GABBR2: variants seen among roughly 807,000 people sequenced by gnomAD.
GABBR2 encodes G-protein coupled receptor 51.
A neutral mutation model predicts 105.6 loss-of-function variants in GABBR2; 23 were observed. The ratio of observed to expected loss-of-function variants is 0.22; its 90% CI spans 0.16 to 0.31. GABBR2 has a LOEUF of 0.31. GABBR2 is among the 10% of genes least tolerant of loss of function. The probability of loss-of-function intolerance (pLI) is 1.00; values close to 1 mark genes in which losing one functional copy is unlikely to be tolerated. For missense variants in GABBR2, 734 were observed against 1,245.5 expected, an observed-to-expected ratio of 0.59 and a Z score of 6.18; for synonymous variants, 478 against 499.7, an observed-to-expected ratio of 0.96 and a Z score of 0.58.
chr9:98,695,805 C>T (rs7866921), intron 1 of GABBR2, among the ~76,000 whole-genome samples: 209 of 152,262 alleles, frequency 1.4e-3, no homozygotes, highest in African/African-American at 4.8e-3. Flanking sequence ...CACAGGTTGA[C>T]CGATGCCCAG....
intron 3 of GABBR2, among the ~76,000 whole-genome samples, chr9:98,496,739 G>A (rs1008626390): frequency 1.3e-5 from 2 of 152,174 alleles, no homozygotes; most frequent in African/African-American, 2.4e-5. Context: ...GGCCAGACAG[G>A]GAAGGGACTT....
At chr9:98,626,549 T>C (rs1829740241) in intron 1 of GABBR2, among the ~76,000 whole-genome samples, 1 of 152,184 alleles carries the variant, frequency 6.6e-6, no homozygotes, top group Non-Finnish European at 1.5e-5. Context: ...CTCTGTGTGA[T>C]CCTGGGCAAG....
intron 1 of GABBR2, among the ~76,000 whole-genome samples, chr9:98,644,346 G>C (rs1042136358): frequency 5.9e-5 from 9 of 152,246 alleles, no homozygotes; most frequent in Admixed American, 5.9e-4. Flanking sequence ...AAAGGAGTCA[G>C]GGAACTGAAA....
At chr9:98,566,768 G>T (rs1335619869) in intron 2 of GABBR2, among the ~76,000 whole-genome samples, 2 of 132,138 alleles carry the variant, frequency 1.5e-5, no homozygotes, top group Non-Finnish European at 3.1e-5. Context: ...GATCACTTGA[G>T]CATGGGAGGT....
At chr9:98,662,737 C>A (rs572304543) in intron 1 of GABBR2, among the ~76,000 whole-genome samples, 58 of 152,294 alleles carry the variant, frequency 3.8e-4, no homozygotes, top group African/African-American at 1.3e-3. Context: ...ACCCACTCCT[C>A]CCTAACACAG....
chr9:98,543,875 G>A (rs1046596702), intron 2 of GABBR2, among the ~76,000 whole-genome samples: 2 of 151,276 alleles, frequency 1.3e-5, no homozygotes, highest in Non-Finnish European at 2.9e-5. Flanking sequence ...AGGTAATCAC[G>A]GTTTTTTTTA....
At chr9:98,403,435 T>C (rs1308209720) in intron 8 of GABBR2, among the ~76,000 whole-genome samples, 3 of 151,906 alleles carry the variant, frequency 2.0e-5, no homozygotes, top group Non-Finnish European at 4.4e-5. Flanking sequence ...TCCGTGGGAA[T>C]GTGCAGAAGA....
At chr9:98,607,951 C>A in intron 1 of GABBR2, 1 of 1,348,526 alleles carries the variant, frequency 7.4e-7, no homozygotes, top group East Asian at 2.5e-5. Flanking sequence ...AACTCTGAAG[C>A]TGAGCTCCAG....
chr9:98,430,884 T>C (rs1331869422), intron 7 of GABBR2, among the ~76,000 whole-genome samples: 1 of 151,924 alleles, frequency 6.6e-6, no homozygotes, highest in African/African-American at 2.4e-5. Flanking sequence ...CACTGTCCTC[T>C]GCTGCTTGTA....
chr9:98,387,220 A>G (rs929855124), intron 10 of GABBR2, among the ~76,000 whole-genome samples: 1 of 152,194 alleles, frequency 6.6e-6, no homozygotes. Flanking sequence ...TAAATAGCCA[A>G]GCCAGTTAAA....
At chr9:98,678,883 G>C (rs951727670) in intron 1 of GABBR2, among the ~76,000 whole-genome samples, 1 of 152,166 alleles carries the variant, frequency 6.6e-6, no homozygotes, top group Admixed American at 6.5e-5. Context: ...ATGGTCTTAA[G>C]GACAGTTCTT....
chr9:98,608,737 T>C (rs1173940201), intron 1 of GABBR2, among the ~76,000 whole-genome samples: 1 of 152,238 alleles, frequency 6.6e-6, no homozygotes, highest in Non-Finnish European at 1.5e-5. Context: ...AAATATATAT[T>C]ATTCTCATTT....
chr9:98,316,397 C>G (rs35173456), intron 13 of GABBR2, among the ~76,000 whole-genome samples: 7,878 of 152,306 alleles, frequency 0.052, 336 homozygotes, highest in Middle Eastern at 0.11. Context: ...GATGGTCTGC[C>G]TGCCTCAGCC....
At chr9:98,479,482 C>T (rs1210287068) in intron 5 of GABBR2, among the ~76,000 whole-genome samples, 3 of 152,214 alleles carry the variant, frequency 2.0e-5, no homozygotes, top group African/African-American at 7.2e-5. Flanking sequence ...GTGCCAGCCT[C>T]CATCCAAGAT....
rs574722682 is a variant in GABBR2, at chr9:98,586,650, T to C, written c.322-8578A>G. Among the ~76,000 whole-genome samples, 18 of 152,372 alleles carry C rather than the reference T, an allele frequency of 1.2e-4. No individual in the cohort carries two copies. In the South Asian group the frequency reaches 1.4e-3, roughly 12 times the overall value. On this transcript the variant is annotated intron_variant, in intron 1 of 18. Coordinates refer to ENST00000259455, the MANE Select transcript of GABBR2 (RefSeq NM_005458.8). ...ATATGTACATGTTTCTTAAACACTG[T>C]ATCATTTAATTTTACTCATTTCCGA...
chr9:98,698,961 A>C (rs1301113496), intron 1 of GABBR2, among the ~76,000 whole-genome samples: 1 of 152,140 alleles, frequency 6.6e-6, no homozygotes, highest in African/African-American at 2.4e-5. Flanking sequence ...GCCTGGAAGA[A>C]GCCTTGCTAT....
intron 1 of GABBR2, among the ~76,000 whole-genome samples, chr9:98,692,735 G>A (rs921311609): frequency 1.3e-5 from 2 of 152,198 alleles, no homozygotes; most frequent in Non-Finnish European, 2.9e-5. Flanking sequence ...AGGTATGAAT[G>A]GGACTAAGGG....
intron 1 of GABBR2, among the ~76,000 whole-genome samples, chr9:98,654,292 G>C (rs1830150569): frequency 6.6e-6 from 1 of 152,168 alleles, no homozygotes; most frequent in Admixed American, 6.5e-5. Context: ...TCTGCACCTG[G>C]TACACAGCCT....
At chr9:98,661,844 T>G (rs1830268777) in intron 1 of GABBR2, among the ~76,000 whole-genome samples, 1 of 152,150 alleles carries the variant, frequency 6.6e-6, no homozygotes, top group Non-Finnish European at 1.5e-5. Flanking sequence ...TGTTCTGGTC[T>G]AGGTTAGGCC....
Sources: gnomAD v4.1 joint callset for allele counts (sites outside exome capture counted in the v4.1 genomes callset) on GRCh38, gnomAD v4.1.1 for gene constraint, MANE v1.5 for transcripts, NCBI Gene and HGNC (gene_info 2026-07-23, HGNC 2026-07-21) for gene names.